The following FGF12 variants were observed in gnomAD, a reference collection of about 807,000 sequenced individuals.
FGF12 encodes fibroblast growth factor 12B.
In FGF12, 14 loss-of-function variants were observed where a neutral mutation model predicts 23.6. That is an observed-to-expected ratio of 0.59 (90% CI 0.39 to 0.93). The LOEUF (loss-of-function observed/expected upper bound fraction) is 0.93. Among genes scored for constraint, FGF12 ranks in the 40% least tolerant of loss-of-function variants. The pLI is 0.00. For synonymous variants in FGF12, 62 were observed against 77.3 expected (o/e 0.80, Z 1.04); for missense variants, 175 against 217.8 (o/e 0.80, Z 1.24).
chr3:192,581,446 ATG>A (rs1269980668), intron 2 of FGF12, among the ~76,000 whole-genome samples: 2 of 139,108 alleles, frequency 1.4e-5, no homozygotes, highest in East Asian at 4.3e-4. Flanking sequence ...ATGTATATAT[ATG>A]TGTGTGTATA....
intron 4 of FGF12, among the ~76,000 whole-genome samples, chr3:192,322,516 A>G (rs916118139): frequency 6.6e-6 from 1 of 152,028 alleles, no homozygotes; most frequent in African/African-American, 2.4e-5. Flanking sequence ...ACACACACAC[A>G]CACACACCCC....
At chr3:192,332,575 C>T (rs1042639630) in intron 4 of FGF12, among the ~76,000 whole-genome samples, 7 of 152,026 alleles carry the variant, frequency 4.6e-5, no homozygotes, top group African/African-American at 1.2e-4. Flanking sequence ...ACACTCACTC[C>T]GTCTTTGACA....
rs1721868261 is a variant in FGF12 at position 192,431,836 on chromosome 3, C to T, written c.14-71298G>A. ...TATCAGATAACAGCTGGGATAACAG[C>T]ATTAACCTTCACCAGGTCATTTAAT... On this transcript the variant is annotated intron_variant, in intron 2 of 5. Transcript: ENST00000445105. 5.9e-5 allele frequency among the ~76,000 whole-genome samples: 9 copies of T among 152,306 alleles called. No individual in the cohort carries two copies. In the South Asian group the frequency reaches 1.9e-3, roughly 32 times the overall value.
chr3:192,377,703 AG>A (rs1427033710), intron 2 of FGF12, among the ~76,000 whole-genome samples: 4 of 152,182 alleles, frequency 2.6e-5, no homozygotes, highest in African/African-American at 9.7e-5. Flanking sequence ...TCCAAGTGTC[AG>A]GTATTTAGTA....
chr3:192,449,084 C>A (rs780985262), intron 2 of FGF12, among the ~76,000 whole-genome samples: 1 of 152,186 alleles, frequency 6.6e-6, no homozygotes, highest in African/African-American at 2.4e-5. Context: ...CCGATACCTG[C>A]GGGGATCTGT....
At chr3:192,331,311 C>CAAAAAAAAAAAA (rs201997868) in intron 4 of FGF12, among the ~76,000 whole-genome samples, 285 of 95,396 alleles carry the variant, frequency 3.0e-3, no homozygotes, top group Non-Finnish European at 4.6e-3. Context: ...GGAGTTTTCT[C>CAAAAAAAAAAAA]AAAAAAAAAA....
At chr3:192,661,534 T>G (rs892537031) in intron 2 of FGF12, among the ~76,000 whole-genome samples, 2 of 152,182 alleles carry the variant, frequency 1.3e-5, no homozygotes, top group South Asian at 2.1e-4. Context: ...CAGTAAAAAT[T>G]AAATCATTGA....
chr3:192,696,153 CTTT>C (rs66508726), intron 2 of FGF12, among the ~76,000 whole-genome samples: 1 of 140,778 alleles, frequency 7.1e-6, no homozygotes, highest in African/African-American at 2.6e-5. Context: ...CTAAGCTCAG[CTTT>C]TTTTTTTTTT....
At chr3:192,479,732 C>A (rs1723427327) in intron 2 of FGF12, among the ~76,000 whole-genome samples, 1 of 152,194 alleles carries the variant, frequency 6.6e-6, no homozygotes, top group Admixed American at 6.6e-5. Flanking sequence ...AATGCCTCCA[C>A]TGTGCCCAGT....
chr3:192,243,577 C>T lies in FGF12; in HGVS notation c.229-72921G>A, dbSNP rs1246134271. On this transcript the variant is annotated intron_variant, in intron 4 of 5. Transcript: ENST00000445105. Reference sequence around the variant, plus strand: ...AAGTAAATTCCCTTTACAGTATATCCAACTTAAGCATAAAATTTTAAACAA... The same window carrying T: ...AAGTAAATTCCCTTTACAGTATATCTAACTTAAGCATAAAATTTTAAACAA... 4.7e-5 allele frequency among the ~76,000 whole-genome samples: 7 copies of T among 150,236 alleles called. No homozygotes were observed. The South Asian group carries it at 1.3e-3, about 27-fold the overall frequency.
Position 192,141,349 on chromosome 3 carries a change from A to G in FGF12, c.*2660T>C, listed in dbSNP as rs1448118767. 1 of 151,972 alleles carries G rather than the reference A, an allele frequency of 6.6e-6. No individual in the cohort carries two copies. The highest frequency in any genetic ancestry group is 1.5e-5 in the Non-Finnish European group (1 of 67,878). The allele number at this position is 151,972 out of a possible 1,614,324, so 9.4% of individuals were successfully genotyped here. On this transcript the variant is annotated 3_prime_UTR_variant, in exon 6 of 6. Coordinates refer to ENST00000445105, the MANE Select transcript of FGF12 (RefSeq NM_004113.6). ...TTTTAAAAACTCAGTGAATACTGGC[A>G]TATTCTATTAAAGTTTTCATGTACT...
chr3:192,572,677 AG>A (rs1326516085), intron 2 of FGF12, among the ~76,000 whole-genome samples: 1 of 152,208 alleles, frequency 6.6e-6, no homozygotes, highest in Non-Finnish European at 1.5e-5. Flanking sequence ...CAATGCTAAA[AG>A]TTTACCCCTT....
At chr3:192,600,552 CA>C (rs1714071092) in intron 2 of FGF12, among the ~76,000 whole-genome samples, 2 of 151,928 alleles carry the variant, frequency 1.3e-5, no homozygotes, top group South Asian at 2.1e-4. Flanking sequence ...ATTCATACAA[CA>C]GAAGATTAAT....
chr3:192,225,294 TCTC>T (rs2108577461), intron 4 of FGF12, among the ~76,000 whole-genome samples: 1 of 152,204 alleles, frequency 6.6e-6, no homozygotes, highest in East Asian at 1.9e-4. Context: ...TTTGCATATT[TCTC>T]CTCTATTCCA....
rs1178176242 is a variant in FGF12 at position 192,158,350 on chromosome 3, CT to C, written c.427+12107del. 2.1e-4 allele frequency among the ~76,000 whole-genome samples: 20 copies of C among 96,248 alleles called. 1 individual carries two copies. Among genetic ancestry groups the C allele is most frequent in the South Asian group, 3.4e-4 (1 of 2,924 alleles). The allele number at this position is 96,248 out of a possible 152,430, so 63.1% of individuals were successfully genotyped here. ...TTTCTTTCTCTTTCTTTCTTTCTTTCTTTCTTTCTTTCTTTCTTTCTTTCTT... is the reference window on the plus strand; with the variant it reads ...TTTCTTTCTCTTTCTTTCTTTCTTTCTTCTTTCTTTCTTTCTTTCTTTCTT... On this transcript the variant is annotated intron_variant, in intron 5 of 5. Coordinates refer to ENST00000445105, the MANE Select transcript of FGF12 (RefSeq NM_004113.6).
At chr3:192,258,996 G>A (rs1188608940) in intron 4 of FGF12, among the ~76,000 whole-genome samples, 3 of 151,902 alleles carry the variant, frequency 2.0e-5, no homozygotes, top group Non-Finnish European at 4.4e-5. Context: ...CGTAACTGCA[G>A]TTACTCAGTT....
intron 3 of FGF12, among the ~76,000 whole-genome samples, chr3:192,342,077 C>T (rs1215419423): frequency 3.9e-5 from 6 of 152,098 alleles, no homozygotes; most frequent in East Asian, 1.9e-4. Context: ...TGAATCTTTC[C>T]GAGGTTTCCA....
At chr3:192,280,751 C>A (rs766216288) in intron 4 of FGF12, among the ~76,000 whole-genome samples, 2 of 151,844 alleles carry the variant, frequency 1.3e-5, no homozygotes, top group African/African-American at 4.8e-5. Flanking sequence ...GACAACAGAC[C>A]GTTGAGAGGT....
At chr3:192,284,800 T>C (rs139788053) in intron 4 of FGF12, among the ~76,000 whole-genome samples, 1 of 152,146 alleles carries the variant, frequency 6.6e-6, no homozygotes, top group East Asian at 1.9e-4. Flanking sequence ...ATCAACAGGC[T>C]GGAAGTGTTG....
Sources: allele counts gnomAD v4.1 joint callset (sites outside exome capture counted in the v4.1 genomes callset), GRCh38; gene constraint gnomAD v4.1.1; transcripts MANE v1.5; gene names NCBI Gene and HGNC (gene_info 2026-07-23, HGNC 2026-07-21).